The following GPBP1 variants were observed in gnomAD, a reference collection of about 807,000 sequenced individuals.
GPBP1 encodes the protein vasculin.
In GPBP1, 13 loss-of-function variants were observed where a neutral mutation model predicts 56.5. The ratio of observed to expected loss-of-function variants is 0.23; its 90% CI spans 0.15 to 0.37. GPBP1 has a LOEUF of 0.37. GPBP1 is among the 10% of genes least tolerant of loss of function. The pLI, the probability that GPBP1 is intolerant of heterozygous loss-of-function variation, is 1.00. For synonymous variants in GPBP1, 204 were observed against 188.9 expected (o/e 1.08, Z -0.66); for missense variants, 477 against 572.3 (o/e 0.83, Z 1.70).
intron 3 of GPBP1, chr5:57,221,263 G>T (rs1300580202): frequency 1.5e-6 from 1 of 658,282 alleles, no homozygotes; most frequent in South Asian, 2.2e-5. Flanking sequence ...TCATGTATAT[G>T]TAACAAATTT....
At chr5:57,218,074 C>A (rs1324351754) in intron 3 of GPBP1, among the ~76,000 whole-genome samples, 6 of 151,714 alleles carry the variant, frequency 4.0e-5, no homozygotes, top group African/African-American at 1.5e-4. Context: ...GAAAAAAAAA[C>A]AAAAAAACCC....
chr5:57,247,316 G>T (rs1025948857), intron 8 of GPBP1, 101 bp downstream of exon 8: 3 of 981,648 alleles, frequency 3.1e-6, no homozygotes, highest in African/African-American at 3.4e-5. Flanking sequence ...ACATTAAAAT[G>T]AGTTTCATTC....
intron 5 of GPBP1, among the ~76,000 whole-genome samples, chr5:57,231,672 G>A (rs1404698619): frequency 5.3e-5 from 8 of 152,148 alleles, no homozygotes; most frequent in African/African-American, 1.2e-4. Flanking sequence ...TAGTTCTTGC[G>A]ATTCATTCTT....
At chr5:57,194,877 C>A (rs1003842664) in intron 2 of GPBP1, among the ~76,000 whole-genome samples, 1 of 152,064 alleles carries the variant, frequency 6.6e-6, no homozygotes, top group Non-Finnish European at 1.5e-5. Context: ...ATATACATAC[C>A]ATGTTTTCTG....
intron 2 of GPBP1, among the ~76,000 whole-genome samples, chr5:57,191,230 CGCTTGCCATCATGACCAGCT>C (rs1393212625): frequency 6.6e-6 from 1 of 151,920 alleles, no homozygotes; most frequent in Non-Finnish European, 1.5e-5. Flanking sequence ...AATTAACAGG[CGCTTGCCATCATGACCAGCT>C]AATTCAGCTA....
intron 2 of GPBP1, among the ~76,000 whole-genome samples, chr5:57,190,171 AG>A (rs33921423): frequency 0.34 from 50,443 of 148,370 alleles, 9,631 homozygotes; most frequent in Non-Finnish European, 0.43. Context: ...ACTTTTTTTT[AG>A]GGGGGGGATT....
At chr5:57,214,302 G>T in intron 3 of GPBP1, 109 bp downstream of exon 3, 1 of 999,178 alleles carries the variant, frequency 1.0e-6, no homozygotes, top group East Asian at 2.5e-5. Context: ...AAGTACATTT[G>T]TGGCTGGGCG....
intron 3 of GPBP1, among the ~76,000 whole-genome samples, chr5:57,225,322 G>A (rs987906516): frequency 2.0e-5 from 3 of 151,464 alleles, no homozygotes; most frequent in African/African-American, 4.8e-5. Context: ...GTGAAACCCC[G>A]TCTCTACTAA....
intron 10 of GPBP1, among the ~76,000 whole-genome samples, chr5:57,254,497 C>G (rs544017058): frequency 1.2e-4 from 18 of 152,060 alleles, no homozygotes; most frequent in Non-Finnish European, 2.4e-4. Context: ...GAATTCAAGA[C>G]CAGCCTGGCC....
chr5:57,250,004 TCTCA>T (rs934854564), intron 9 of GPBP1, among the ~76,000 whole-genome samples: 2 of 50,638 alleles, frequency 3.9e-5, no homozygotes, highest in Non-Finnish European at 7.3e-5. Context: ...TGAGACAAAG[TCTCA>T]CTCTATCACC....
At chr5:57,174,475 G>A (rs950582338) in intron 1 of GPBP1, among the ~76,000 whole-genome samples, 2 of 152,274 alleles carry the variant, frequency 1.3e-5, no homozygotes, top group African/African-American at 4.8e-5. Flanking sequence ...TTGGTTGGGG[G>A]GTGTTTGGCG....
chr5:57,237,739 A>G (rs1335050000), intron 6 of GPBP1, among the ~76,000 whole-genome samples: 2 of 152,028 alleles, frequency 1.3e-5, no homozygotes, highest in Admixed American at 1.3e-4. Context: ...TAAAATAGCT[A>G]TGTTCCTGAG....
intron 3 of GPBP1, among the ~76,000 whole-genome samples, chr5:57,221,130 C>T (rs1441327373): frequency 6.6e-6 from 1 of 152,084 alleles, no homozygotes; most frequent in Non-Finnish European, 1.5e-5. Flanking sequence ...ACTTTAGCCC[C>T]ATCATGTGGT....
intron 2 of GPBP1, among the ~76,000 whole-genome samples, chr5:57,181,318 G>A (rs1231370331): frequency 1.3e-5 from 2 of 151,982 alleles, no homozygotes; most frequent in Non-Finnish European, 2.9e-5. Flanking sequence ...CTGGGTTGCA[G>A]AGTGACACCC....
At chr5:57,187,688 AGTT>A (rs1316412247) in intron 2 of GPBP1, among the ~76,000 whole-genome samples, 1 of 152,130 alleles carries the variant, frequency 6.6e-6, no homozygotes, top group Non-Finnish European at 1.5e-5. Flanking sequence ...TGCCTCACAG[AGTT>A]GTTGTTATTA....
At chr5:57,174,646 G>A (rs1267021464) in intron 1 of GPBP1, among the ~76,000 whole-genome samples, 1 of 152,082 alleles carries the variant, frequency 6.6e-6, no homozygotes, top group East Asian at 1.9e-4. Context: ...CAGCGCCTCA[G>A]CTTTCCCCGC....
At chr5:57,183,740 A>AT (rs1754164291) in intron 2 of GPBP1, among the ~76,000 whole-genome samples, 1 of 147,200 alleles carries the variant, frequency 6.8e-6, no homozygotes, top group African/African-American at 2.5e-5. Context: ...GATAGCTAAT[A>AT]TTTTTTAATA....
intron 10 of GPBP1, among the ~76,000 whole-genome samples, chr5:57,257,122 C>T (rs1481647818): frequency 1.3e-5 from 2 of 152,020 alleles, no homozygotes; most frequent in Admixed American, 1.3e-4. Flanking sequence ...CAACCTCCAC[C>T]TCCCGGGTTC....
Position 57,175,587 on chromosome 5 carries a change from C to G in GPBP1, c.-871C>G. On this transcript the variant is annotated 5_prime_UTR_variant, in exon 2 of 12. Coordinates refer to ENST00000506184, the MANE Select transcript of GPBP1 (RefSeq NM_022913.4). ...GTTTATTAAAATTGGCAAGAATCGT[C>G]TGTGAAGTGAATTGATAGTAGTGAA... 2.5e-6 allele frequency: 1 copy of G among 397,876 alleles called. No homozygotes were observed. The highest frequency in any genetic ancestry group is 4.4e-6 in the Non-Finnish European group (1 of 225,790). The allele number at this position is 397,876 out of a possible 1,614,324, so 24.6% of individuals were successfully genotyped here.
Sources: gnomAD v4.1 joint callset for allele counts (sites outside exome capture counted in the v4.1 genomes callset) on GRCh38, gnomAD v4.1.1 for gene constraint, MANE v1.5 for transcripts, NCBI Gene and HGNC (gene_info 2026-07-23, HGNC 2026-07-21) for gene names.